Variants in CDKAL1 observed in about 807,000 individuals in gnomAD.
The protein encoded by CDKAL1 is CDKAL1 threonylcarbamoyladenosine tRNA methylthiotransferase, also known as threonylcarbamoyladenosine tRNA methylthiotransferase.
CDKAL1 carries 32 observed loss-of-function variants against 68.2 expected under a neutral mutation model. The ratio of observed to expected loss-of-function variants is 0.47; its 90% CI spans 0.35 to 0.63. The LOEUF is 0.63. Among genes scored for constraint, CDKAL1 ranks in the 30% least tolerant of loss-of-function variants. CDKAL1 has a pLI of 0.00. For synonymous variants in CDKAL1, 234 were observed against 244.3 expected, an observed-to-expected ratio of 0.96 and a Z score of 0.39; for missense variants, 606 against 696.7, an observed-to-expected ratio of 0.87 and a Z score of 1.47.
At chr6:20,942,110 A>C (rs998234599) in intron 9 of CDKAL1, among the ~76,000 whole-genome samples, 1 of 152,158 alleles carries the variant, frequency 6.6e-6, no homozygotes, top group Admixed American at 6.5e-5. Context: ...TAGATGTTTT[A>C]TAAAATAGAA....
intron 11 of CDKAL1, among the ~76,000 whole-genome samples, chr6:21,034,982 T>C (rs1278678426): frequency 6.6e-6 from 1 of 152,186 alleles, no homozygotes; most frequent in African/African-American, 2.4e-5. Flanking sequence ...TACACTGTGG[T>C]AGATTGTCTA....
chr6:20,806,205 T>G (rs1040305762), intron 8 of CDKAL1, among the ~76,000 whole-genome samples: 2 of 152,222 alleles, frequency 1.3e-5, no homozygotes, highest in African/African-American at 4.8e-5. Context: ...ACTCAATGTT[T>G]AGCTCCCTCT....
Position 20,546,387 on chromosome 6 carries a change from A to G in CDKAL1, c.37A>G (p.Ile13Val). The G allele has an allele frequency of 2.5e-6, 4 of 1,614,026 alleles. No homozygotes were observed. Among genetic ancestry groups the G allele is most frequent in the Non-Finnish European group, 3.4e-6 (4 of 1,179,898 alleles). The change falls in exon 3 of 16, where the codon ATC (isoleucine) becomes GTC (valine). Residue 13 changes from isoleucine (I) to valine (V), a missense_variant. Physicochemically the swap from Ile to Val is conservative, Grantham distance 29. Transcript: ENST00000274695. The stretch of plus-strand genomic sequence containing the variant: ...ATCCTGTGATACACTACTGGATGAC[A>G]TCGAAGATATCGTGTCTCAGGAAGA... ...SASCDTLLDD[I>V]EDIVSQEDSK...
At chr6:20,993,668 G>A (rs1313994065) in intron 10 of CDKAL1, 2 of 152,168 alleles carry the variant, frequency 1.3e-5, no homozygotes, top group Non-Finnish European at 2.9e-5. Flanking sequence ...ATGAAATTTA[G>A]CAGTTCTTTT....
chr6:20,663,085 G>A (rs1025742798), intron 5 of CDKAL1, among the ~76,000 whole-genome samples: 2 of 152,082 alleles, frequency 1.3e-5, no homozygotes, highest in African/African-American at 4.8e-5. Context: ...AAAGATGGAA[G>A]TACCAAACTG....
At chr6:20,907,572 TG>T (rs1762287856) in intron 9 of CDKAL1, among the ~76,000 whole-genome samples, 1 of 152,098 alleles carries the variant, frequency 6.6e-6, no homozygotes, top group Non-Finnish European at 1.5e-5. Flanking sequence ...CCAACAATTG[TG>T]GACTAGGAGG....
intron 9 of CDKAL1, among the ~76,000 whole-genome samples, chr6:20,946,291 T>G (rs1400512308): frequency 6.6e-6 from 1 of 152,210 alleles, no homozygotes; most frequent in Non-Finnish European, 1.5e-5. Flanking sequence ...GGCATACTCA[T>G]ACTGTGTCTT....
At chr6:20,920,426 A>C (rs1762902458) in intron 9 of CDKAL1, among the ~76,000 whole-genome samples, 1 of 152,228 alleles carries the variant, frequency 6.6e-6, no homozygotes, top group Non-Finnish European at 1.5e-5. Context: ...TAGAATAATC[A>C]GACTCATGCT....
chr6:21,183,775 C>T (rs1023827046), intron 13 of CDKAL1, among the ~76,000 whole-genome samples: 1 of 152,188 alleles, frequency 6.6e-6, no homozygotes, highest in Admixed American at 6.5e-5. Flanking sequence ...ATTATTACTT[C>T]TGCCACTGAC....
intron 11 of CDKAL1, among the ~76,000 whole-genome samples, chr6:21,064,825 A>C (rs1267270687): frequency 2.0e-5 from 3 of 152,184 alleles, no homozygotes; most frequent in Non-Finnish European, 4.4e-5. Flanking sequence ...AAGAACAAAG[A>C]ACCATTTAAA....
chr6:20,688,228 C>G (rs1207793734), intron 5 of CDKAL1, among the ~76,000 whole-genome samples: 2 of 150,466 alleles, frequency 1.3e-5, no homozygotes, highest in African/African-American at 4.9e-5. Context: ...GGTTTTTATC[C>G]TGCTTGGCAT....
intron 7 of CDKAL1, among the ~76,000 whole-genome samples, chr6:20,761,465 G>A (rs910864207): frequency 6.6e-6 from 1 of 152,138 alleles, no homozygotes; most frequent in Admixed American, 6.6e-5. Flanking sequence ...ACAAAAACCT[G>A]TTCAGTGTTT....
intron 13 of CDKAL1, among the ~76,000 whole-genome samples, chr6:21,115,629 T>A (rs1311741808): frequency 6.6e-6 from 1 of 152,236 alleles, no homozygotes; most frequent in Non-Finnish European, 1.5e-5. Context: ...TTTAGGGATG[T>A]TGTTAAATAT....
At chr6:21,089,224 C>G (rs1772863897) in intron 12 of CDKAL1, among the ~76,000 whole-genome samples, 1 of 152,034 alleles carries the variant, frequency 6.6e-6, no homozygotes, top group Non-Finnish European at 1.5e-5. Context: ...GCCCACAATC[C>G]CAGCACTTCG....
intron 13 of CDKAL1, among the ~76,000 whole-genome samples, chr6:21,196,359 C>A (rs1263465763): frequency 6.6e-6 from 1 of 152,128 alleles, no homozygotes; most frequent in African/African-American, 2.4e-5. Context: ...ATTCACCAGC[C>A]CTTTTTGATA....
chr6:20,601,415 G>C (rs1766090204), intron 4 of CDKAL1, among the ~76,000 whole-genome samples: 1 of 152,068 alleles, frequency 6.6e-6, no homozygotes, highest in East Asian at 1.9e-4. Flanking sequence ...GTTTTTTGTT[G>C]TTAAGTTTTA....
chr6:20,910,704 C>T (rs969086240), intron 9 of CDKAL1, among the ~76,000 whole-genome samples: 1 of 152,108 alleles, frequency 6.6e-6, no homozygotes, highest in African/African-American at 2.4e-5. Context: ...CTGAATACCT[C>T]GGAGCATGAG....
At position 20,624,210 on chromosome 6, in the gene CDKAL1, A is replaced by G. The variant is rs1304859669; in HGVS notation, c.287-25083A>G. Among the ~76,000 whole-genome samples, 10 of 152,178 alleles carry G rather than the reference A, an allele frequency of 6.6e-5. No individual in the cohort carries two copies. The East Asian group carries it at 1.2e-3, about 18-fold the overall frequency. On this transcript the variant is annotated intron_variant, in intron 4 of 15. Coordinates refer to ENST00000274695, the MANE Select transcript of CDKAL1 (RefSeq NM_017774.3). ...ACTACAAGGATGAGGAAGTATAAAC[A>G]GAGATAGGTAGTCAGTTCTTGGTAG...
chr6:20,934,958 C>T (rs375212019), intron 9 of CDKAL1, among the ~76,000 whole-genome samples: 4 of 149,676 alleles, frequency 2.7e-5, no homozygotes, highest in South Asian at 4.2e-4. Context: ...TTCAATGGCG[C>T]AGTCTCGGCT....
Sources: gnomAD v4.1 joint callset for allele counts (sites outside exome capture counted in the v4.1 genomes callset) on GRCh38, gnomAD v4.1.1 for gene constraint, MANE v1.5 for transcripts, NCBI Gene and HGNC (gene_info 2026-07-23, HGNC 2026-07-21) for gene names.